The following TFB2M variants were observed in gnomAD, a reference collection of about 807,000 sequenced individuals.
TFB2M encodes dimethyladenosine transferase 2, mitochondrial.
TFB2M carries 44 observed loss-of-function variants against 41.3 expected under a neutral mutation model. The ratio of observed to expected loss-of-function variants is 1.07; its 90% CI spans 0.84 to 1.37. TFB2M has a LOEUF of 1.37. Among genes scored for constraint, TFB2M ranks in the 40% most tolerant of loss-of-function variants. The probability of loss-of-function intolerance (pLI) is 0.00; values close to 1 mark genes in which losing one functional copy is unlikely to be tolerated. For synonymous variants in TFB2M, 188 were observed against 176.8 expected (o/e 1.06, Z -0.50); for missense variants, 496 against 490.2 (o/e 1.01, Z -0.11).
chr1:246,565,940 C>A lies in TFB2M; in HGVS notation c.199G>T (p.Ala67Ser). 6.2e-7 allele frequency: 1 copy of A among 1,614,222 alleles called. No homozygotes were observed. Among genetic ancestry groups the A allele is most frequent in the Non-Finnish European group, 8.5e-7 (1 of 1,180,040 alleles). ...ACGTAACGCTTAAAGTCTAAGCTGG[C>A]CTTAGACGCCTTCCTTGGCGGATTC... ...FRNPPRKASK[A>S]SLDFKRYVTD... Residue 67 changes from alanine to serine, a missense_variant, in exon 1 of 8, where the codon GCC becomes TCC. Physicochemically the swap from Ala to Ser is moderately conservative, Grantham distance 99 (BLOSUM62 1). Coordinates refer to ENST00000366514, the MANE Select transcript of TFB2M (RefSeq NM_022366.3).
chr1:246,554,798 G>A (rs979183187), intron 4 of TFB2M, among the ~76,000 whole-genome samples: 2 of 152,180 alleles, frequency 1.3e-5, no homozygotes, highest in Non-Finnish European at 2.9e-5. Context: ...GTTGGGGACC[G>A]CCCAGCTACG....
chr1:246,558,139 TTTTTC>T, intron 2 of TFB2M, among the ~76,000 whole-genome samples: 1 of 143,924 alleles, frequency 6.9e-6, no homozygotes, highest in South Asian at 2.2e-4. Context: ...CTATCATAAA[TTTTTC>T]TTTATCTGTT....
intron 2 of TFB2M, among the ~76,000 whole-genome samples, chr1:246,561,732 G>T (rs891356183): frequency 6.6e-6 from 1 of 152,184 alleles, no homozygotes; most frequent in Non-Finnish European, 1.5e-5. Flanking sequence ...GCCTCCCAAA[G>T]TGCTGGGATT....
chr1:246,547,959 T>C (rs1354858226), intron 6 of TFB2M, among the ~76,000 whole-genome samples: 1 of 151,742 alleles, frequency 6.6e-6, no homozygotes, highest in East Asian at 1.9e-4. Flanking sequence ...TTTTTTTTTT[T>C]TTTTTTGAGA....
intron 6 of TFB2M, 129 bp downstream of exon 6, chr1:246,548,416 G>C: frequency 1.4e-6 from 1 of 721,448 alleles, no homozygotes; most frequent in Non-Finnish European, 2.1e-6. Flanking sequence ...AGTAAGATAT[G>C]TTTAAAGAAT....
intron 7 of TFB2M, among the ~76,000 whole-genome samples, chr1:246,542,010 T>C (rs973984634): frequency 6.6e-6 from 1 of 152,188 alleles, no homozygotes; most frequent in African/African-American, 2.4e-5. Context: ...CTATGTGATA[T>C]AGCCTATTAC....
In TFB2M at chr1:246,556,572, C is replaced by G; in HGVS notation, c.705+1G>C. 1 of 1,486,584 alleles carries G rather than the reference C, an allele frequency of 6.7e-7. No individual in the cohort carries two copies. 92.1% of individuals were successfully genotyped at this position (1,486,584 alleles called of 1,614,324 possible). A position where few individuals can be genotyped will look rare whatever the true frequency, so the allele number is the denominator to read the frequency against. ...AAAATAGGTATTTGTTAATAACATA[C>G]CTGGAATTCTTTTTCACCAATAAAC... On this transcript the variant is annotated splice_donor_variant, in intron 4 of 7. Coordinates refer to ENST00000366514, the MANE Select transcript of TFB2M (RefSeq NM_022366.3). LOFTEE classifies it high-confidence loss of function.
chr1:246,547,386 T>C (rs1175151673), intron 6 of TFB2M, among the ~76,000 whole-genome samples: 1 of 152,240 alleles, frequency 6.6e-6, no homozygotes, highest in Non-Finnish European at 1.5e-5. Context: ...GTGGAATATT[T>C]GGATAAGTCC....
chr1:246,560,391 C>T (rs919540128), intron 2 of TFB2M, among the ~76,000 whole-genome samples: 4 of 152,040 alleles, frequency 2.6e-5, no homozygotes, highest in Admixed American at 6.6e-5. Flanking sequence ...GGTGTGGGGG[C>T]GTGTGCCTGT....
chr1:246,561,166 A>G (rs925860570), intron 2 of TFB2M, among the ~76,000 whole-genome samples: 1 of 152,200 alleles, frequency 6.6e-6, no homozygotes, highest in African/African-American at 2.4e-5. Context: ...TTCACACAAA[A>G]TTTTATTTGA....
intron 2 of TFB2M, among the ~76,000 whole-genome samples, chr1:246,562,654 T>G (rs1659484525): frequency 6.6e-6 from 1 of 151,914 alleles, no homozygotes; most frequent in Non-Finnish European, 1.5e-5. Flanking sequence ...GATGACTCCA[T>G]AGGGAACTTT....
chr1:246,546,983 A>ATT (rs74163461), intron 6 of TFB2M, among the ~76,000 whole-genome samples: 2,041 of 127,126 alleles, frequency 0.016, 86 homozygotes, highest in South Asian at 0.12. Context: ...ACACACACAC[A>ATT]TTTTTTTTTT....
At chr1:246,555,849 G>A (rs919873866) in intron 4 of TFB2M, among the ~76,000 whole-genome samples, 1 of 151,944 alleles carries the variant, frequency 6.6e-6, no homozygotes, top group Non-Finnish European at 1.5e-5. Flanking sequence ...GGAGTGCAGG[G>A]GCATGATCTG....
At chr1:246,548,662 G>A (rs1659090335) in intron 5 of TFB2M, 55 bp from the exon 6 acceptor site, 6 of 1,544,202 alleles carry the variant, frequency 3.9e-6, no homozygotes, top group Non-Finnish European at 5.3e-6. Flanking sequence ...TGGTCAAAGT[G>A]CCCCAGTTAT....
intron 1 of TFB2M, among the ~76,000 whole-genome samples, chr1:246,565,483 G>A (rs985828726): frequency 1.3e-5 from 2 of 152,216 alleles, no homozygotes; most frequent in Admixed American, 6.5e-5. Flanking sequence ...GGAGACCTAG[G>A]GGGGAGGATC....
intron 4 of TFB2M, among the ~76,000 whole-genome samples, chr1:246,554,336 A>C (rs546013984): frequency 6.6e-6 from 1 of 152,306 alleles, no homozygotes; most frequent in South Asian, 2.1e-4. Context: ...GTCCTGTTAG[A>C]AACTGGGCCA....
intron 7 of TFB2M, 74 bp downstream of exon 7, chr1:246,544,447 A>C: frequency 7.4e-7 from 1 of 1,349,328 alleles, no homozygotes; most frequent in East Asian, 2.5e-5. Flanking sequence ...AAGATATAAA[A>C]ATAGATCTCT....
chr1:246,561,327 A>G (rs185297603), intron 2 of TFB2M, among the ~76,000 whole-genome samples: 1 of 152,346 alleles, frequency 6.6e-6, no homozygotes, highest in East Asian at 1.9e-4. Flanking sequence ...AATGATGTTT[A>G]TATTTTTAGC....
In TFB2M at chr1:246,544,689, G is replaced by C. The variant is rs565332926; in HGVS notation, c.859-8C>G. 6.3e-6 allele frequency: 10 copies of C among 1,577,630 alleles called. No individual in the cohort carries two copies. The highest frequency in any genetic ancestry group is 8.5e-6 in the Non-Finnish European group (10 of 1,169,616). On this transcript the variant is annotated splice_region_variant and splice_polypyrimidine_tract_variant and intron_variant, in intron 6 of 7. Coordinates refer to ENST00000366514, the MANE Select transcript of TFB2M (RefSeq NM_022366.3). Reference sequence around the variant, plus strand: ...TAATTGGTCTAATAATTCCTGGAGAGAAGAAAAAATGAATTGCATTAGTCA... The same window carrying C: ...TAATTGGTCTAATAATTCCTGGAGACAAGAAAAAATGAATTGCATTAGTCA...
Sources: gnomAD v4.1 joint callset for allele counts (sites outside exome capture counted in the v4.1 genomes callset) on GRCh38, gnomAD v4.1.1 for gene constraint, MANE v1.5 for transcripts, NCBI Gene and HGNC (gene_info 2026-07-23, HGNC 2026-07-21) for gene names.